Variants in RFX3 observed in about 807,000 individuals in gnomAD.
RFX3 encodes regulatory factor X3.
A neutral mutation model predicts 98.6 loss-of-function variants in RFX3; 14 were observed. The ratio of observed to expected loss-of-function variants is 0.14; its 90% CI spans 0.09 to 0.22. The LOEUF is 0.22. Ranked by LOEUF, RFX3 falls within the 10% of genes least tolerant of loss-of-function variation. RFX3 has a pLI of 1.00. For missense variants in RFX3, 639 were observed against 926.9 expected (o/e 0.69, Z 4.03); for synonymous variants, 383 against 328.4 (o/e 1.17, Z -1.80).
chr9:3,512,366 G>A (rs903595763), intron 1 of RFX3, among the ~76,000 whole-genome samples: 4 of 151,840 alleles, frequency 2.6e-5, no homozygotes, highest in Admixed American at 2.6e-4. Flanking sequence ...CTACTCCAGT[G>A]TAAGTTTTAA....
chr9:3,443,020 C>T (rs1845733676), intron 1 of RFX3, among the ~76,000 whole-genome samples: 1 of 152,060 alleles, frequency 6.6e-6, no homozygotes, highest in Admixed American at 6.6e-5. Context: ...ACTCTCAAAA[C>T]TCAATAATAA....
chr9:3,498,918 T>G (rs1433873720), intron 1 of RFX3, among the ~76,000 whole-genome samples: 1 of 152,104 alleles, frequency 6.6e-6, no homozygotes, highest in Non-Finnish European at 1.5e-5. Context: ...AATAAACCTG[T>G]AGGCTTCCCT....
chr9:3,404,359 C>A (rs1239689331), intron 1 of RFX3, among the ~76,000 whole-genome samples: 1 of 152,054 alleles, frequency 6.6e-6, no homozygotes, highest in Non-Finnish European at 1.5e-5. Flanking sequence ...AAGACTATAG[C>A]CAATACTGTA....
At chr9:3,348,454 C>T (rs774211782) in intron 2 of RFX3, among the ~76,000 whole-genome samples, 4 of 151,334 alleles carry the variant, frequency 2.6e-5, no homozygotes, top group Non-Finnish European at 5.9e-5. Flanking sequence ...CATTGATGAT[C>T]ATTTCCTACA....
intron 1 of RFX3, among the ~76,000 whole-genome samples, chr9:3,507,138 T>G: frequency 6.6e-6 from 1 of 151,880 alleles, no homozygotes; most frequent in East Asian, 1.9e-4. Context: ...TTAAAAAGAT[T>G]AAGCATTTAC....
At chr9:3,413,260 C>A (rs1467090280) in intron 1 of RFX3, among the ~76,000 whole-genome samples, 1 of 151,816 alleles carries the variant, frequency 6.6e-6, no homozygotes, top group Non-Finnish European at 1.5e-5. Context: ...GTAATGTATA[C>A]CAAGTAGAAC....
chr9:3,510,787 A>G (rs1233007285), intron 1 of RFX3, among the ~76,000 whole-genome samples: 1 of 152,008 alleles, frequency 6.6e-6, no homozygotes, highest in East Asian at 1.9e-4. Flanking sequence ...TTTTATTCAC[A>G]TATTGTTTGG....
intron 15 of RFX3, chr9:3,247,810 G>GA: frequency 6.2e-7 from 1 of 1,606,502 alleles, no homozygotes. Context: ...CACATTCCAT[G>GA]AACTTTCACA....
At chr9:3,482,729 T>C (rs1849891161) in intron 1 of RFX3, among the ~76,000 whole-genome samples, 1 of 152,194 alleles carries the variant, frequency 6.6e-6, no homozygotes, top group Non-Finnish European at 1.5e-5. Context: ...GAATTTACTG[T>C]AAAATGTCAC....
intron 4 of RFX3, among the ~76,000 whole-genome samples, chr9:3,326,971 T>C (rs939949881): frequency 2.6e-4 from 39 of 152,258 alleles, no homozygotes; most frequent in African/African-American, 9.1e-4. Context: ...TATTGCACAG[T>C]AGGCTGCATC....
chr9:3,502,932 T>A (rs1332346449), intron 1 of RFX3, among the ~76,000 whole-genome samples: 1 of 152,184 alleles, frequency 6.6e-6, no homozygotes, highest in East Asian at 1.9e-4. Flanking sequence ...GAAATTCACT[T>A]CATCATTTCA....
chr9:3,433,468 A>G (rs1271326103), intron 1 of RFX3, among the ~76,000 whole-genome samples: 1 of 152,216 alleles, frequency 6.6e-6, no homozygotes, highest in African/African-American at 2.4e-5. Context: ...AGTACATAAT[A>G]CAGATAACAT....
intron 2 of RFX3, among the ~76,000 whole-genome samples, chr9:3,349,956 A>G (rs940952032): frequency 2.6e-5 from 4 of 152,118 alleles, no homozygotes; most frequent in African/African-American, 7.2e-5. Flanking sequence ...GCAAGGATAA[A>G]AATATAATAA....
Position 3,228,862 on chromosome 9 carries a change from C to T in RFX3, c.1996G>A (p.Gly666Arg). 1 of 1,610,238 alleles carries T rather than the reference C, an allele frequency of 6.2e-7. No homozygotes were observed. The highest frequency in any genetic ancestry group is 8.5e-7 in the Non-Finnish European group (1 of 1,178,770). Residue 666 changes from glycine (G) to arginine (R), a missense_variant, in exon 16 of 17, where the codon GGA (glycine) becomes AGA (arginine). Physicochemically the swap from Gly to Arg is moderately radical, Grantham distance 125 (BLOSUM62 -2). Around this residue, in one of 9 missense-constraint regions of RFX3, gnomAD observed 129 missense variants for 124.6 expected, o/e 1.04. Transcript: ENST00000617270. ...CGATTCTTACCTTTATCCAGATTTCCAGGAGACACGGCATTTAAATCACCA... is the reference window on the plus strand; with the variant it reads ...CGATTCTTACCTTTATCCAGATTTCTAGGAGACACGGCATTTAAATCACCA... ...EFGDLNAVSP[G>R]NLDKDEGSEV... is the part of the protein sequence containing the mutation.
chr9:3,467,203 G>A (rs1463700124), intron 1 of RFX3, among the ~76,000 whole-genome samples: 12 of 137,382 alleles, frequency 8.7e-5, no homozygotes, highest in Admixed American at 3.6e-4. Flanking sequence ...TATAATGTAT[G>A]TGTATATACA....
chr9:3,390,136 T>C (rs1410141377), intron 2 of RFX3, among the ~76,000 whole-genome samples: 1 of 152,218 alleles, frequency 6.6e-6, no homozygotes, highest in East Asian at 1.9e-4. Flanking sequence ...ATGGTTTGCC[T>C]GTGTCCTCAC....
chr9:3,294,084 T>C (rs529916177), intron 5 of RFX3, among the ~76,000 whole-genome samples: 20 of 152,312 alleles, frequency 1.3e-4, no homozygotes, highest in Non-Finnish European at 2.6e-4. Context: ...AAGAAAATTT[T>C]AGAAAATTGA....
intron 2 of RFX3, among the ~76,000 whole-genome samples, chr9:3,387,308 C>T (rs985975133): frequency 6.6e-6 from 1 of 152,150 alleles, no homozygotes; most frequent in Non-Finnish European, 1.5e-5. Flanking sequence ...AACATAGTGC[C>T]TGGCACATTC....
chr9:3,516,958 A>G (rs1184478093), intron 1 of RFX3, among the ~76,000 whole-genome samples: 5 of 152,230 alleles, frequency 3.3e-5, no homozygotes, highest in Non-Finnish European at 7.3e-5. Flanking sequence ...TCTCTACAGA[A>G]GCCATTGAAA....
Sources: gnomAD v4.1 joint callset for allele counts (sites outside exome capture counted in the v4.1 genomes callset) on GRCh38, gnomAD v4.1.1 for gene constraint, gnomAD v4.1.1 regional missense constraint, MANE v1.5 for transcripts, NCBI Gene and HGNC (gene_info 2026-07-23, HGNC 2026-07-21) for gene names.